PRKG1: variants seen among roughly 807,000 people sequenced by gnomAD.
The protein encoded by PRKG1 is protein kinase cGMP-dependent 1.
Under a neutral mutation model 88.1 loss-of-function variants are expected in PRKG1, and 35 were observed. That is an observed-to-expected ratio of 0.40 (90% confidence interval 0.30 to 0.53). PRKG1 has a LOEUF of 0.53. PRKG1 is among the 20% of genes least tolerant of loss of function. The pLI is 0.59. For missense variants in PRKG1, 540 were observed against 839.8 expected (o/e 0.64, Z 4.41); for synonymous variants, 303 against 292.5 (o/e 1.04, Z -0.37).
chr10:51,005,495 T>G (rs1334766059), intron 1 of PRKG1, among the ~76,000 whole-genome samples: 2 of 152,184 alleles, frequency 1.3e-5, no homozygotes, highest in African/African-American at 4.8e-5. Flanking sequence ...GCTGGACATT[T>G]GTAAATTGGA....
chr10:51,891,918 G>A (rs988716689), intron 4 of PRKG1, among the ~76,000 whole-genome samples: 2 of 152,162 alleles, frequency 1.3e-5, no homozygotes, highest in African/African-American at 2.4e-5. Context: ...TGAAGAATCT[G>A]GAGTGAGCAG....
At chr10:51,834,168 T>C (rs1840070285) in intron 4 of PRKG1, among the ~76,000 whole-genome samples, 2 of 152,168 alleles carry the variant, frequency 1.3e-5, no homozygotes, top group Admixed American at 6.6e-5. Context: ...CTTCCCCAAA[T>C]GTGTTTCAAT....
intron 5 of PRKG1, among the ~76,000 whole-genome samples, chr10:51,991,001 T>G (rs1412072514): frequency 2.0e-5 from 3 of 152,190 alleles, no homozygotes; most frequent in Non-Finnish European, 4.4e-5. Flanking sequence ...TCTTTGCTAC[T>G]TTTCGATTTC....
At chr10:52,160,808 C>T (rs548869891) in intron 8 of PRKG1, among the ~76,000 whole-genome samples, 2 of 152,042 alleles carry the variant, frequency 1.3e-5, no homozygotes, top group African/African-American at 4.8e-5. Context: ...TAATTTCTTA[C>T]AGTATTTTAA....
chr10:51,913,748 C>G (rs1386064035), intron 5 of PRKG1, among the ~76,000 whole-genome samples: 1 of 152,022 alleles, frequency 6.6e-6, no homozygotes, highest in African/African-American at 2.4e-5. Context: ...TCTACTTATC[C>G]CATATTTGAC....
chr10:51,722,708 A>T (rs1180326588), intron 3 of PRKG1, among the ~76,000 whole-genome samples: 6 of 152,196 alleles, frequency 3.9e-5, no homozygotes, highest in Non-Finnish European at 7.3e-5. Flanking sequence ...TTTTCATGGA[A>T]CAAGTAGAGC....
At chr10:51,907,687 G>A (rs924504985) in intron 5 of PRKG1, 117 bp downstream of exon 5, 2 of 810,702 alleles carry the variant, frequency 2.5e-6, no homozygotes, top group East Asian at 2.6e-5. Flanking sequence ...AAATTTCTAA[G>A]CTCTGGGATG....
At chr10:51,399,612 A>C (rs1164830999) in intron 2 of PRKG1, among the ~76,000 whole-genome samples, 3 of 152,156 alleles carry the variant, frequency 2.0e-5, no homozygotes, top group African/African-American at 7.2e-5. Context: ...ATAAAATCAA[A>C]ACCAAAGCCA....
intron 3 of PRKG1, among the ~76,000 whole-genome samples, chr10:51,530,549 T>C (rs771544226): frequency 2.6e-5 from 4 of 152,180 alleles, no homozygotes; most frequent in African/African-American, 4.8e-5. Context: ...ACATTTTGTA[T>C]TGGAGCCATT....
intron 2 of PRKG1, among the ~76,000 whole-genome samples, chr10:51,296,016 G>T (rs1306114702): frequency 2.6e-5 from 4 of 152,064 alleles, no homozygotes; most frequent in Admixed American, 2.0e-4. Context: ...ACACCCCAGG[G>T]ATAAATACCA....
chr10:51,518,575 T>C (rs912377187), intron 3 of PRKG1, among the ~76,000 whole-genome samples: 8 of 152,146 alleles, frequency 5.3e-5, no homozygotes, highest in African/African-American at 1.9e-4. Flanking sequence ...AGAGGTAGCA[T>C]ATAGAGCTGA....
rs948598092 is a variant in PRKG1, at chr10:51,771,709, G to A, written c.593-32876G>A. On this transcript the variant is annotated intron_variant, in intron 3 of 17. Transcript: ENST00000373980. ...AGAATGGGTGTATAGGGCAGTAAGA[G>A]GAGATGAACAAACTGTTATCACATA... Among the ~76,000 whole-genome samples the A allele has an allele frequency of 3.9e-5, 6 of 152,216 alleles. No individual in the cohort carries two copies. In the South Asian group the frequency reaches 8.3e-4, roughly 21 times the overall value.
intron 1 of PRKG1, among the ~76,000 whole-genome samples, chr10:51,092,322 G>A (rs1487108773): frequency 6.6e-6 from 1 of 152,202 alleles, no homozygotes; most frequent in Non-Finnish European, 1.5e-5. Flanking sequence ...ATTTCGTGAA[G>A]AAAGTGGAGG....
At chr10:51,995,267 A>C (rs1277037901) in intron 5 of PRKG1, among the ~76,000 whole-genome samples, 1 of 152,138 alleles carries the variant, frequency 6.6e-6, no homozygotes, top group Non-Finnish European at 1.5e-5. Context: ...TAGGTACTTA[A>C]TCAGACGCCT....
intron 2 of PRKG1, among the ~76,000 whole-genome samples, chr10:51,444,617 G>A (rs1839217139): frequency 6.6e-6 from 1 of 151,836 alleles, no homozygotes. Flanking sequence ...TTCTGCAACT[G>A]TAATGTCAGG....
intron 3 of PRKG1, among the ~76,000 whole-genome samples, chr10:51,715,014 C>T (rs1018857181): frequency 1.3e-5 from 2 of 151,784 alleles, no homozygotes; most frequent in African/African-American, 4.8e-5. Flanking sequence ...TTTTTATTTC[C>T]CCCCGTGGGA....
intron 4 of PRKG1, among the ~76,000 whole-genome samples, chr10:51,865,996 A>G (rs1442902375): frequency 1.3e-5 from 2 of 152,064 alleles, no homozygotes; most frequent in Admixed American, 6.6e-5. Flanking sequence ...AGTCGTATGT[A>G]TCATTATCCC....
chr10:51,000,536 C>T (rs1299462062), intron 1 of PRKG1, among the ~76,000 whole-genome samples: 1 of 152,194 alleles, frequency 6.6e-6, no homozygotes, highest in Non-Finnish European at 1.5e-5. Context: ...ACTTAGCCAG[C>T]ACCTGAATTT....
chr10:51,811,829 T>C (rs1429003613), intron 4 of PRKG1, among the ~76,000 whole-genome samples: 2 of 152,192 alleles, frequency 1.3e-5, no homozygotes, highest in African/African-American at 4.8e-5. Flanking sequence ...ATATCCATTT[T>C]TAGTGATAGA....
Sources: allele counts gnomAD v4.1 joint callset (sites outside exome capture counted in the v4.1 genomes callset), GRCh38; gene constraint gnomAD v4.1.1; transcripts MANE v1.5; gene names NCBI Gene and HGNC (gene_info 2026-07-23, HGNC 2026-07-21).